TECTA: variants seen among roughly 807,000 people sequenced by gnomAD.
TECTA encodes alpha-tectorin.
Under a neutral mutation model 216.8 loss-of-function variants are expected in TECTA, and 128 were observed. The ratio of observed to expected loss-of-function variants is 0.59; its 90% CI spans 0.51 to 0.68. TECTA has a LOEUF of 0.68. Ranked by LOEUF, TECTA falls within the 30% of genes least tolerant of loss-of-function variation. TECTA has a pLI of 0.00. For missense variants in TECTA, 2,551 were observed against 2,786.2 expected, an observed-to-expected ratio of 0.92 and a Z score of 1.90; for synonymous variants, 1,089 against 1,117.1, an observed-to-expected ratio of 0.97 and a Z score of 0.50.
At chr11:121,106,384 C>T (rs1014220669) in intron 3 of TECTA, among the ~76,000 whole-genome samples, 2 of 152,080 alleles carry the variant, frequency 1.3e-5, no homozygotes, top group African/African-American at 4.8e-5. Context: ...GAAGCAGAGT[C>T]GGAACACAGT....
At chr11:121,179,982 T>G (rs1054948344) in intron 20 of TECTA, among the ~76,000 whole-genome samples, 10 of 151,734 alleles carry the variant, frequency 6.6e-5, no homozygotes, top group South Asian at 2.1e-4. Context: ...TTGTTTTTTT[T>G]TTTTTTTAGC....
intron 20 of TECTA, among the ~76,000 whole-genome samples, chr11:121,170,862 T>C (rs1223448755): frequency 6.6e-6 from 1 of 152,208 alleles, no homozygotes; most frequent in East Asian, 1.9e-4. Flanking sequence ...TGCAAATATT[T>C]TCTTTTATTC....
rs1946650723 is a variant in TECTA at position 121,129,657 on chromosome 11, A to G, written c.2387A>G (p.Glu796Gly). Residue 796 changes from glutamate (E) to glycine (G), a missense_variant, in exon 10 of 24, where the codon GAA (glutamate) becomes GGA (glycine). By Grantham distance (98) the Glu-to-Gly change is moderately conservative. This residue lies in a region of TECTA where 2,375 missense variants were observed against 2,563.9 expected (regional missense o/e 0.93). Transcript: ENST00000392793. ...SEVKLNGQEV[E>G]LPFFHPSGKL... is the part of the protein sequence containing the mutation. ...TTTCAGTTGAATGGTCAGGAAGTGG[A>G]ATTGCCTTTTTTCCATCCTTCGGGG... 1 of 1,614,082 alleles carries G rather than the reference A, an allele frequency of 6.2e-7. No homozygotes were observed. Among genetic ancestry groups the G allele is most frequent in the Non-Finnish European group, 8.5e-7 (1 of 1,180,042 alleles).
chr11:121,115,601 G>A (rs577894137), intron 6 of TECTA, among the ~76,000 whole-genome samples: 18 of 152,152 alleles, frequency 1.2e-4, no homozygotes, highest in Non-Finnish European at 2.2e-4. Flanking sequence ...TGGCAGCCCT[G>A]GGAGGCCTCG....
intron 12 of TECTA, among the ~76,000 whole-genome samples, chr11:121,149,929 G>A (rs1478116644): frequency 2.0e-5 from 3 of 152,162 alleles, no homozygotes; most frequent in South Asian, 4.1e-4. Context: ...TCTCAGCACT[G>A]TTTTGGGTGG....
chr11:121,125,959 A>G (rs1946607922), intron 8 of TECTA, 87 bp downstream of exon 8: 12 of 1,460,592 alleles, frequency 8.2e-6, no homozygotes, highest in Non-Finnish European at 1.1e-5. Flanking sequence ...TGTCCTTGTT[A>G]AGACTTGTGA....
At chr11:121,146,164 T>C (rs778861080) in intron 12 of TECTA, 48 bp downstream of exon 12, 1 of 1,595,064 alleles carries the variant, frequency 6.3e-7, no homozygotes, top group South Asian at 1.1e-5. Context: ...TCTTTCTTGA[T>C]TGCTCTGGGA....
At chr11:121,180,990 A>G (rs1947222661) in intron 20 of TECTA, among the ~76,000 whole-genome samples, 2 of 151,716 alleles carry the variant, frequency 1.3e-5, no homozygotes. Flanking sequence ...ACACAGTGAA[A>G]CCCTGTCTCT....
chr11:121,102,710 C>T lies in TECTA; in HGVS notation c.45C>T (p.Phe15=), dbSNP rs756460108. ...SFLRIWVSFI[F]ALVQHQAQPR... ...TTAGAATTTGGGTCTCTTTCATCTT[C>T]GCACTTGTACAGCACCAAGGTGAGT... Residue 15 remains phenylalanine (F), a synonymous_variant, in exon 2 of 24, where the codon TTC becomes TTT. Transcript: ENST00000392793. 2.9e-5 allele frequency: 46 copies of T among 1,613,580 alleles called. No individual in the cohort carries two copies. Among genetic ancestry groups the T allele is most frequent in the African/African-American group, 5.3e-5 (4 of 74,960 alleles).
intron 20 of TECTA, among the ~76,000 whole-genome samples, chr11:121,184,037 T>G (rs556687621): frequency 6.6e-6 from 1 of 152,158 alleles, no homozygotes; most frequent in Non-Finnish European, 1.5e-5. Flanking sequence ...GATCCTCCCA[T>G]CTTCGCCTCC....
In TECTA at chr11:121,158,021, C is replaced by T. The variant is rs374337206; in HGVS notation, c.4486C>T (p.Arg1496Cys). The T allele has an allele frequency of 5.6e-6, 9 of 1,612,934 alleles. No homozygotes were observed. The highest frequency in any genetic ancestry group is 2.5e-6 in the Non-Finnish European group (3 of 1,179,982). ...CCTGGCGGCCGGCGGCGGCGTCTTCCGCACCTTCGACGGCGCCTTCCTGCG... is the reference window on the plus strand; with the variant it reads ...CCTGGCGGCCGGCGGCGGCGTCTTCTGCACCTTCGACGGCGCCTTCCTGCG... ...YCLAAGGGVF[R>C]TFDGAFLRFP... The change falls in exon 14 of 24, where the codon CGC (arginine) becomes TGC (cysteine). Residue 1496 changes from arginine to cysteine, a missense_variant. Arg to Cys is a radical substitution (Grantham distance 180). This residue lies in a region of TECTA where 2,375 missense variants were observed against 2,563.9 expected (regional missense o/e 0.93). Coordinates refer to ENST00000392793, the MANE Select transcript of TECTA (RefSeq NM_005422.4).
intron 11 of TECTA, among the ~76,000 whole-genome samples, chr11:121,144,704 T>G (rs1313971099): frequency 1.3e-5 from 2 of 152,126 alleles, no homozygotes; most frequent in Non-Finnish European, 2.9e-5. Flanking sequence ...TAAAAATATG[T>G]GGGAGGAAAC....
intron 8 of TECTA, among the ~76,000 whole-genome samples, chr11:121,126,927 GAT>G (rs1456519754): frequency 6.6e-6 from 1 of 152,192 alleles, no homozygotes; most frequent in Non-Finnish European, 1.5e-5. Context: ...AATGGCCACA[GAT>G]ATATATTTTC....
intron 21 of TECTA, 146 bp from the exon 22 acceptor site, chr11:121,188,934 G>T: frequency 1.3e-6 from 1 of 763,016 alleles, no homozygotes; most frequent in African/African-American, 1.7e-5. Flanking sequence ...TGGATTCAAT[G>T]ATCAAGAATG....
In TECTA at chr11:121,129,927, A is replaced by G. The variant is rs146175803; in HGVS notation, c.2657A>G (p.Asn886Ser). The G allele has an allele frequency of 8.1e-4, 1,313 of 1,612,962 alleles. 1 individual carries two copies. Among genetic ancestry groups the G allele is most frequent in the Non-Finnish European group, 9.9e-4 (1,173 of 1,179,200 alleles). ...ESWTTFEEIC[N>S]GECGDLLKAC... ...TGGACAACTTTCGAGGAGATCTGCA[A>G]TGGAGAGTGTGGGGACCTGCTGAAG... The change falls in exon 10 of 24, where the codon AAT (asparagine) becomes AGT (serine). Residue 886 changes from asparagine (N) to serine (S), a missense_variant. Asn to Ser is a conservative substitution (Grantham distance 46, BLOSUM62 1). Transcript: ENST00000392793.
chr11:121,123,289 C>A (rs1319985789), intron 7 of TECTA, among the ~76,000 whole-genome samples: 1 of 152,210 alleles, frequency 6.6e-6, no homozygotes, highest in Admixed American at 6.5e-5. Flanking sequence ...AATTCTCTCT[C>A]TTTGAGGCTT....
rs149001418 is a variant in TECTA at position 121,118,600 on chromosome 11, G to T, written c.1085G>T (p.Ser362Ile). 257 of 1,614,148 alleles carry T rather than the reference G, an allele frequency of 1.6e-4. No individual in the cohort carries two copies. The African/African-American group carries it at 3.2e-3, about 20-fold the overall frequency. The change falls in exon 7 of 24, where the codon AGT becomes ATT. Residue 362 changes from serine to isoleucine, a missense_variant. This residue lies in a region of TECTA where 2,375 missense variants were observed against 2,563.9 expected (regional missense o/e 0.93). Transcript: ENST00000392793. ...CLQTSSLPFF[S>I]VEAKNEHRRG... ...CAGACTTCCAGCCTCCCTTTCTTCA[G>T]TGTGGAGGCCAAGAATGAACACCGC... is the stretch of plus-strand genomic sequence containing the variant.
chr11:121,181,889 G>A (rs898466159), intron 20 of TECTA, among the ~76,000 whole-genome samples: 2 of 152,170 alleles, frequency 1.3e-5, no homozygotes, highest in African/African-American at 4.8e-5. Context: ...GCTTTTGTAG[G>A]GACAGAGTTT....
chr11:121,158,360 G>A, intron 14 of TECTA, 136 bp downstream of exon 14: 2 of 1,249,424 alleles, frequency 1.6e-6, no homozygotes, highest in Non-Finnish European at 2.3e-6. Context: ...CAGTGACCAG[G>A]TTTTAAAGAA....
Sources: gnomAD v4.1 joint callset for allele counts (sites outside exome capture counted in the v4.1 genomes callset) on GRCh38, gnomAD v4.1.1 for gene constraint, gnomAD v4.1.1 regional missense constraint, MANE v1.5 for transcripts, NCBI Gene and HGNC (gene_info 2026-07-23, HGNC 2026-07-21) for gene names.